The following CRACD variants were observed in gnomAD, a reference collection of about 807,000 sequenced individuals.
CRACD encodes capping protein inhibiting regulator of actin dynamics, also known as capping protein-inhibiting regulator of actin dynamics.
Under a neutral mutation model 106.8 loss-of-function variants are expected in CRACD, and 56 were observed. That is an observed-to-expected ratio of 0.52 (90% confidence interval 0.42 to 0.66). The LOEUF is 0.66. Among genes scored for constraint, CRACD ranks in the 30% least tolerant of loss-of-function variants. The pLI is 0.00. For missense variants in CRACD, 1,730 were observed against 1,623.2 expected, an observed-to-expected ratio of 1.07 and a Z score of -1.13; for synonymous variants, 754 against 670.8, an observed-to-expected ratio of 1.12 and a Z score of -1.92.
chr4:56,292,248 A>G (rs1743736457), intron 3 of CRACD, among the ~76,000 whole-genome samples: 2 of 152,186 alleles, frequency 1.3e-5, no homozygotes, highest in African/African-American at 2.4e-5. Context: ...TAAGCAGCAA[A>G]GCATTTAAGA....
chr4:56,210,157 T>A (rs1455849006), intron 2 of CRACD, among the ~76,000 whole-genome samples: 2 of 152,084 alleles, frequency 1.3e-5, no homozygotes, highest in Non-Finnish European at 1.5e-5. Flanking sequence ...AAACACAAGA[T>A]CACAGTCAAA....
At chr4:56,310,789 T>TC (rs138135265) in intron 6 of CRACD, 55 bp downstream of exon 6, 83,538 of 799,194 alleles carry the variant, frequency 0.1, 2,585 homozygotes, top group Admixed American at 0.22. Flanking sequence ...ACTTTCATCT[T>TC]CCCCCCCCCT....
chr4:56,255,920 C>T (rs898403052), intron 2 of CRACD, among the ~76,000 whole-genome samples: 5 of 152,178 alleles, frequency 3.3e-5, no homozygotes, highest in African/African-American at 1.2e-4. Context: ...TGCAACAGGT[C>T]CAGACTGCTG....
intron 1 of CRACD, among the ~76,000 whole-genome samples, chr4:56,106,996 G>C (rs1219922370): frequency 1.3e-5 from 2 of 152,076 alleles, no homozygotes; most frequent in Non-Finnish European, 2.9e-5. Flanking sequence ...TAAGAGATGG[G>C]ATCTTGCTCG....
At chr4:56,324,055 A>G (rs1486033939) in intron 9 of CRACD, 49 bp from the exon 10 acceptor site, 10 of 1,557,206 alleles carry the variant, frequency 6.4e-6, no homozygotes, top group Admixed American at 1.8e-5. Context: ...CAGTCTTTCC[A>G]TGTCTTAGGT....
At chr4:56,092,296 C>T (rs1172165253) in intron 1 of CRACD, among the ~76,000 whole-genome samples, 1 of 152,134 alleles carries the variant, frequency 6.6e-6, no homozygotes, top group Non-Finnish European at 1.5e-5. Context: ...AGCTCTGAGG[C>T]AGAGGATATC....
At chr4:56,169,792 G>C (rs185903153) in intron 1 of CRACD, among the ~76,000 whole-genome samples, 3 of 152,042 alleles carry the variant, frequency 2.0e-5, no homozygotes, top group Non-Finnish European at 2.9e-5. Context: ...CGACTGGCCC[G>C]TTAAGAGTAT....
chr4:56,243,939 T>C (rs943829896), intron 2 of CRACD, among the ~76,000 whole-genome samples: 1 of 152,176 alleles, frequency 6.6e-6, no homozygotes, highest in African/African-American at 2.4e-5. Flanking sequence ...CTACCCTTCC[T>C]GGCCTCTGGA....
chr4:56,110,444 A>G (rs951832357), intron 1 of CRACD, among the ~76,000 whole-genome samples: 2 of 152,186 alleles, frequency 1.3e-5, no homozygotes, highest in Non-Finnish European at 2.9e-5. Flanking sequence ...GGTGAAGGGC[A>G]TCCCCAGGAT....
chr4:56,206,568 T>G (rs1738130257), intron 2 of CRACD, among the ~76,000 whole-genome samples: 1 of 152,208 alleles, frequency 6.6e-6, no homozygotes, highest in Non-Finnish European at 1.5e-5. Context: ...ACATCACTTT[T>G]TATAGGAGAT....
intron 10 of CRACD, among the ~76,000 whole-genome samples, chr4:56,325,598 T>C (rs1361758134): frequency 2.0e-5 from 3 of 152,246 alleles, no homozygotes; most frequent in Non-Finnish European, 2.9e-5. Flanking sequence ...GTTCATAACA[T>C]GTAAGAGATG....
chr4:56,303,889 TCTC>T (rs1487761802), intron 4 of CRACD, among the ~76,000 whole-genome samples: 1 of 152,202 alleles, frequency 6.6e-6, no homozygotes, highest in Non-Finnish European at 1.5e-5. Context: ...CAGCCACCAT[TCTC>T]CTCTTTCATC....
chr4:56,164,096 G>C (rs73155141), intron 1 of CRACD, among the ~76,000 whole-genome samples: 4 of 151,442 alleles, frequency 2.6e-5, no homozygotes, highest in Non-Finnish European at 4.4e-5. Context: ...AAAAATAGAC[G>C]GGAAGTTTCA....
At chr4:56,171,097 G>T (rs1046160695) in intron 1 of CRACD, among the ~76,000 whole-genome samples, 1 of 152,088 alleles carries the variant, frequency 6.6e-6, no homozygotes. Flanking sequence ...AACTAATCGG[G>T]CATGGAAAAT....
At chr4:56,087,488 C>T (rs184808364) in intron 1 of CRACD, among the ~76,000 whole-genome samples, 1 of 152,316 alleles carries the variant, frequency 6.6e-6, no homozygotes, top group East Asian at 1.9e-4. Flanking sequence ...TGCGGAGTCT[C>T]CTCCCTGGGC....
chr4:56,155,720 G>T (rs924455889), intron 1 of CRACD, among the ~76,000 whole-genome samples: 1 of 152,154 alleles, frequency 6.6e-6, no homozygotes, highest in Non-Finnish European at 1.5e-5. Flanking sequence ...AAACATTTGT[G>T]TGCATGCTTT....
At chr4:56,319,580 G>A (rs1431864463) in intron 8 of CRACD, among the ~76,000 whole-genome samples, 1 of 151,852 alleles carries the variant, frequency 6.6e-6, no homozygotes, top group Non-Finnish European at 1.5e-5. Context: ...CTCCAACCTG[G>A]GTGACAGAGT....
At chr4:56,216,569 GGT>G (rs939706481) in intron 2 of CRACD, among the ~76,000 whole-genome samples, 10 of 151,470 alleles carry the variant, frequency 6.6e-5, no homozygotes, top group Non-Finnish European at 1.3e-4. Flanking sequence ...CTCTCTGTGG[GGT>G]GTGTGTGTGT....
chr4:56,141,726 C>G (rs1735207068), intron 1 of CRACD, among the ~76,000 whole-genome samples: 1 of 110,726 alleles, frequency 9.0e-6, no homozygotes, highest in South Asian at 3.3e-4. Flanking sequence ...CAGAGTCTTA[C>G]TCTATCACCC....
Sources: gnomAD v4.1 joint callset for allele counts (sites outside exome capture counted in the v4.1 genomes callset) on GRCh38, gnomAD v4.1.1 for gene constraint, MANE v1.5 for transcripts, NCBI Gene and HGNC (gene_info 2026-07-23, HGNC 2026-07-21) for gene names.